Variants in KCNQ1OT1 observed in about 807,000 individuals in gnomAD.
KCNQ1OT1 encodes KCNQ1 antisense RNA 2 (non-protein coding).
chr11:2,679,411 G>C lies in KCNQ1OT1; in HGVS notation n.20584C>G. ...TTTATTTGTAAAATGGGAATCATAAGAGTACCTTCCTCAGAGGGTTGTTAG... is the reference window on the plus strand; with the variant it reads ...TTTATTTGTAAAATGGGAATCATAACAGTACCTTCCTCAGAGGGTTGTTAG... On this transcript the variant is annotated non_coding_transcript_exon_variant, in exon 1 of 1. Coordinates refer to ENST00000597346, the Ensembl canonical transcript of KCNQ1OT1. The surrounding 1 kb of genome is among the most constrained non-coding windows in gnomAD (Gnocchi z 4.8). 2.5e-6 allele frequency: 1 copy of C among 398,626 alleles called. No homozygotes were observed. The highest frequency in any genetic ancestry group is 4.4e-6 in the Non-Finnish European group (1 of 226,068). 24.7% of individuals were successfully genotyped at this position (398,626 alleles called of 1,614,324 possible). A position where few individuals can be genotyped will look rare whatever the true frequency, so the allele number is the denominator to read the frequency against.
At position 2,645,900 on chromosome 11, in the gene KCNQ1OT1, A is replaced by C; in HGVS notation, n.54095T>G. On this transcript the variant is annotated non_coding_transcript_exon_variant, in exon 1 of 1. Transcript: ENST00000597346. The surrounding 1 kb of genome is among the most constrained non-coding windows in gnomAD (Gnocchi z 5.8). ...TGATCTCCCTCTCTGGGAGCTGTTC[A>C]TTGCCATTTCACAGTCTGTAGGTAG... The C allele has an allele frequency of 2.5e-6, 1 of 398,596 alleles. No homozygotes were observed. The highest frequency in any genetic ancestry group is 1.3e-4 in the South Asian group (1 of 7,852). 24.7% of individuals were successfully genotyped at this position (398,596 alleles called of 1,614,324 possible).
rs940506997 is a variant in KCNQ1OT1, at chr11:2,621,211, C to G, written n.78784G>C. 5.0e-6 allele frequency: 2 copies of G among 397,832 alleles called. No individual in the cohort carries two copies. 24.6% of individuals were successfully genotyped at this position (397,832 alleles called of 1,614,324 possible). A position where few individuals can be genotyped will look rare whatever the true frequency, so the allele number is the denominator to read the frequency against. On this transcript the variant is annotated non_coding_transcript_exon_variant, in exon 1 of 1. Transcript: ENST00000597346. This position sits in a 1 kb window ranked among gnomAD's most constrained non-coding sequence, Gnocchi z 5.7. Reference sequence around the variant, plus strand: ...CAGGATGGTCTCGAATACCTGACCCCAGATGATCCACGCACCTCAGCCTCC... The same window carrying G: ...CAGGATGGTCTCGAATACCTGACCCGAGATGATCCACGCACCTCAGCCTCC...
chr11:2,699,133 T>C (rs897923306), exon 1 of KCNQ1OT1: 3 of 398,332 alleles, frequency 7.5e-6, no homozygotes, highest in Non-Finnish European at 8.8e-6. Flanking sequence ...GATTCCAGAC[T>C]CCAATCCCAA....
exon 1 of KCNQ1OT1, chr11:2,615,906 C>T (rs1201964929): frequency 5.0e-6 from 2 of 397,950 alleles, no homozygotes; most frequent in Non-Finnish European, 8.9e-6. Context: ...TTTTTCTCCT[C>T]TGTTTTTTGG....
At chr11:2,655,519 C>T (rs1849830222) in exon 1 of KCNQ1OT1, 1 of 398,732 alleles carries the variant, frequency 2.5e-6, no homozygotes, top group Non-Finnish European at 4.4e-6. Context: ...TTCAAGTACA[C>T]CATGGGCTCA....
chr11:2,648,981 C>CTTTTTTCTTTTTTTTTTTTTTTTTTTTT (rs1849710956), exon 1 of KCNQ1OT1: 2 of 213,304 alleles, frequency 9.4e-6, no homozygotes, highest in Admixed American at 9.7e-5. Flanking sequence ...TTTTCTTTTT[C>CTTTTTTCTTTTTTTTTTTTTTTTTTTTT]TTTTTTTTTT....
exon 1 of KCNQ1OT1, chr11:2,675,179 A>G: frequency 2.5e-6 from 1 of 398,618 alleles, no homozygotes. Flanking sequence ...GGGAAAGATT[A>G]GGGCCCCTCT....
exon 1 of KCNQ1OT1, chr11:2,615,262 A>G: frequency 5.0e-6 from 2 of 398,096 alleles, no homozygotes; most frequent in Non-Finnish European, 8.9e-6. Flanking sequence ...TGTACCCTGC[A>G]ATTTTGCTGG....
exon 1 of KCNQ1OT1, chr11:2,634,835 G>A (rs1849430517): frequency 6.6e-6 from 1 of 152,166 alleles, no homozygotes; most frequent in Admixed American, 6.5e-5. Context: ...ATCTTCTCCA[G>A]CACCTGTTGT....
In KCNQ1OT1 at chr11:2,611,972, C is replaced by G. The variant is rs540978906; in HGVS notation, n.88023G>C. On this transcript the variant is annotated non_coding_transcript_exon_variant, in exon 1 of 1. Transcript: ENST00000597346. The surrounding 1 kb of genome is among the most constrained non-coding windows in gnomAD (Gnocchi z 5.3). Reference sequence around the variant, plus strand: ...CAAATATTTTTGTCTGCCCTATTCTCTCCTTCTCAGTACTCTTATTAACAC... The same window carrying G: ...CAAATATTTTTGTCTGCCCTATTCTGTCCTTCTCAGTACTCTTATTAACAC... 2 of 398,652 alleles carry G rather than the reference C, an allele frequency of 5.0e-6. No homozygotes were observed. The highest frequency in any genetic ancestry group is 2.5e-4 in the South Asian group (2 of 7,848). The allele number at this position is 398,652 out of a possible 1,614,324, so 24.7% of individuals were successfully genotyped here.
Position 2,652,152 on chromosome 11 carries a change from C to T in KCNQ1OT1, n.47843G>A, listed in dbSNP as rs1432232647. 1.8e-5 allele frequency: 7 copies of T among 398,520 alleles called. No homozygotes were observed. Among genetic ancestry groups the T allele is most frequent in the Non-Finnish European group, 3.1e-5 (7 of 226,112 alleles). The allele number at this position is 398,520 out of a possible 1,614,324, so 24.7% of individuals were successfully genotyped here. ...GGGACCTGTGTTTCTCAAGCCCGCG[C>T]CCTCGGGGCCTGGGGGTGGGGCCCC... On this transcript the variant is annotated non_coding_transcript_exon_variant, in exon 1 of 1. Transcript: ENST00000597346. The surrounding 1 kb of genome is among the most constrained non-coding windows in gnomAD (Gnocchi z 5.9).
At position 2,621,694 on chromosome 11, in the gene KCNQ1OT1, T is replaced by C. The variant is rs1462738801; in HGVS notation, n.78301A>G. 2.5e-6 allele frequency: 1 copy of C among 398,412 alleles called. No homozygotes were observed. The highest frequency in any genetic ancestry group is 4.4e-6 in the Non-Finnish European group (1 of 226,028). 24.7% of individuals were successfully genotyped at this position (398,412 alleles called of 1,614,324 possible). A position where few individuals can be genotyped will look rare whatever the true frequency, so the allele number is the denominator to read the frequency against. ...TATAATTGTTCATAAAAGTCCCTTA[T>C]GATCCTTTTTATTTCTGAAGTACCT... On this transcript the variant is annotated non_coding_transcript_exon_variant, in exon 1 of 1. Transcript: ENST00000597346. This position sits in a 1 kb window ranked among gnomAD's most constrained non-coding sequence, Gnocchi z 5.7.
exon 1 of KCNQ1OT1, chr11:2,625,685 C>G: frequency 2.5e-6 from 1 of 397,392 alleles, no homozygotes; most frequent in Non-Finnish European, 4.4e-6. Flanking sequence ...ACATCATTCT[C>G]CTGCCTCCCG....
chr11:2,673,955 AG>A lies in KCNQ1OT1; in HGVS notation n.26039del. 1 of 127,754 alleles carries A rather than the reference AG, an allele frequency of 7.8e-6. No individual in the cohort carries two copies. Among genetic ancestry groups the A allele is most frequent in the Non-Finnish European group, 1.6e-5 (1 of 63,234 alleles). 7.9% of individuals were successfully genotyped at this position (127,754 alleles called of 1,614,324 possible). A position where few individuals can be genotyped will look rare whatever the true frequency, so the allele number is the denominator to read the frequency against. ...TGTCTCTTTCCCCATGAGTGACAGC[AG>A]CCACAAGGGGATGCCCAGCATTGGG... is the stretch of plus-strand genomic sequence containing the variant. On this transcript the variant is annotated non_coding_transcript_exon_variant, in exon 1 of 1. Coordinates refer to ENST00000597346, the Ensembl canonical transcript of KCNQ1OT1. The surrounding 1 kb of genome is among the most constrained non-coding windows in gnomAD (Gnocchi z 4.5).
exon 1 of KCNQ1OT1, chr11:2,650,650 CT>C (rs1849742843): frequency 7.5e-6 from 3 of 398,622 alleles, no homozygotes; most frequent in Non-Finnish European, 1.3e-5. Flanking sequence ...TACCTTCAAA[CT>C]TTTTGACAAA....
exon 1 of KCNQ1OT1, chr11:2,662,407 C>T (rs1040356277): frequency 1.2e-4 from 57 of 463,402 alleles, no homozygotes; most frequent in Admixed American, 2.6e-4. Flanking sequence ...AAAAAAGAGA[C>T]GACTTTGTTT....
At position 2,621,084 on chromosome 11, in the gene KCNQ1OT1, TCTCCTGTCTCAGA is replaced by T. The variant is rs1320952483; in HGVS notation, n.78898_78910del. On this transcript the variant is annotated non_coding_transcript_exon_variant, in exon 1 of 1. Coordinates refer to ENST00000597346, the Ensembl canonical transcript of KCNQ1OT1. This position sits in a 1 kb window ranked among gnomAD's most constrained non-coding sequence, Gnocchi z 5.7. ...CCTCCACCTCCTGGGTTCAAGCAAT[TCTCCTGTCTCAGA>T]CTCCTGAGTAGCTGGGATTACAGGT... 3.3e-5 allele frequency: 13 copies of T among 397,114 alleles called. No homozygotes were observed. Among genetic ancestry groups the T allele is most frequent in the Non-Finnish European group, 4.4e-5 (10 of 225,814 alleles). 24.6% of individuals were successfully genotyped at this position (397,114 alleles called of 1,614,324 possible). A position where few individuals can be genotyped will look rare whatever the true frequency, so the allele number is the denominator to read the frequency against.
chr11:2,670,385 T>C lies in KCNQ1OT1; in HGVS notation n.29610A>G. The stretch of plus-strand genomic sequence containing the variant: ...GTATAGGCTGAAATTCCAAGAGCAT[T>C]AACCAGACACCTACTATGTGTATTT... On this transcript the variant is annotated non_coding_transcript_exon_variant, in exon 1 of 1. Transcript: ENST00000597346. This position sits in a 1 kb window ranked among gnomAD's most constrained non-coding sequence, Gnocchi z 4.9. The C allele has an allele frequency of 2.5e-6, 1 of 398,364 alleles. No individual in the cohort carries two copies. The highest frequency in any genetic ancestry group is 4.4e-5 in the Admixed American group (1 of 22,718). 24.7% of individuals were successfully genotyped at this position (398,364 alleles called of 1,614,324 possible). A position where few individuals can be genotyped will look rare whatever the true frequency, so the allele number is the denominator to read the frequency against.
chr11:2,697,053 C>A, exon 1 of KCNQ1OT1: 1 of 398,376 alleles, frequency 2.5e-6, no homozygotes, highest in South Asian at 1.3e-4. Flanking sequence ...CAGGAAAGGT[C>A]AAAAACATTT....
Sources: gnomAD v4.1 joint callset for allele counts on GRCh38, gnomAD v4.1.1 for gene constraint, Gnocchi (gnomAD v3.1) non-coding constraint, MANE v1.5 for transcripts, NCBI Gene and HGNC (gene_info 2026-07-23, HGNC 2026-07-21) for gene names.